Variants in ACYP2 observed in about 807,000 individuals in gnomAD.
The protein encoded by ACYP2 is acylphosphatase 2.
In ACYP2, 12 loss-of-function variants were observed where a neutral mutation model predicts 11.2. The ratio of observed to expected loss-of-function variants is 1.08; its 90% CI spans 0.69 to 1.74. ACYP2 has a LOEUF of 1.74. ACYP2 is among the 40% of genes most tolerant of loss of function. The pLI is 0.00. For missense variants in ACYP2, 134 were observed against 101.9 expected, an observed-to-expected ratio of 1.31 and a Z score of -1.35; for synonymous variants, 43 against 32.2, an observed-to-expected ratio of 1.33 and a Z score of -1.13.
intron 4 of ACYP2, among the ~76,000 whole-genome samples, chr2:54,123,017 T>G (rs993749509): frequency 1.3e-5 from 2 of 152,170 alleles, no homozygotes; most frequent in Admixed American, 1.3e-4. Flanking sequence ...GAGGCTACTC[T>G]AGGGTAGAGC....
chr2:54,024,540 C>G (rs752473813), intron 2 of ACYP2, among the ~76,000 whole-genome samples: 15 of 152,286 alleles, frequency 9.8e-5, no homozygotes, highest in Non-Finnish European at 1.9e-4. Context: ...ATCCAGCATC[C>G]CTTTATGATT....
At chr2:53,975,843 A>G (rs535650087) in intron 2 of ACYP2, among the ~76,000 whole-genome samples, 2 of 152,250 alleles carry the variant, frequency 1.3e-5, no homozygotes, top group Non-Finnish European at 2.9e-5. Context: ...AACAAACAAA[A>G]AAAACAGGAT....
chr2:54,263,452 G>A (rs1388163537), intron 6 of ACYP2, among the ~76,000 whole-genome samples: 3 of 152,170 alleles, frequency 2.0e-5, no homozygotes, highest in African/African-American at 4.8e-5. Context: ...ATATCACCGT[G>A]TCTCTACAAA....
intron 2 of ACYP2, among the ~76,000 whole-genome samples, chr2:54,047,365 T>G (rs1675579109): frequency 1.3e-5 from 2 of 152,234 alleles, no homozygotes; most frequent in African/African-American, 4.8e-5. Context: ...AATGGAGACA[T>G]TATTTTAGAA....
intron 6 of ACYP2, among the ~76,000 whole-genome samples, chr2:54,298,945 G>T (rs1294798717): frequency 1.3e-5 from 2 of 152,116 alleles, no homozygotes; most frequent in Admixed American, 1.3e-4. Context: ...CAGAGATGGG[G>T]TTTCACCGTG....
intron 6 of ACYP2, among the ~76,000 whole-genome samples, chr2:54,231,066 G>C (rs577897376): frequency 3.6e-4 from 55 of 151,950 alleles, no homozygotes; most frequent in Non-Finnish European, 7.2e-4. Flanking sequence ...CCTGACCTCA[G>C]GTGATCTGCC....
Position 54,115,620 on chromosome 2 carries a change from T to G in ACYP2, c.278-19833T>G, listed in dbSNP as rs1679709448. The G allele has an allele frequency of 4.5e-6, 7 of 1,562,558 alleles. No homozygotes were observed. In the Middle Eastern group the frequency reaches 5.8e-4, roughly 129 times the overall value. ...GGGGTGCGCCAAGCAGTCCCATGTGTCCCCTCCCTCTCGCAGCCGCCGCAG... is the reference window on the plus strand; with the variant it reads ...GGGGTGCGCCAAGCAGTCCCATGTGGCCCCTCCCTCTCGCAGCCGCCGCAG... On this transcript the variant is annotated intron_variant, in intron 4 of 6. Coordinates refer to ENST00000607452, the MANE Select transcript of ACYP2 (RefSeq NM_001320586.2).
At chr2:54,217,883 G>T (rs1460522338) in intron 6 of ACYP2, among the ~76,000 whole-genome samples, 2 of 152,128 alleles carry the variant, frequency 1.3e-5, no homozygotes, top group African/African-American at 4.8e-5. Context: ...TGTCTGCTTT[G>T]TTAAGATTAA....
At chr2:54,159,602 C>A (rs1043958517) in intron 6 of ACYP2, among the ~76,000 whole-genome samples, 7 of 151,986 alleles carry the variant, frequency 4.6e-5, no homozygotes, top group Admixed American at 2.6e-4. Flanking sequence ...CTGCTAGGTG[C>A]TAAGGGGCAT....
intron 2 of ACYP2, among the ~76,000 whole-genome samples, chr2:53,979,534 G>A (rs1044957659): frequency 6.6e-6 from 1 of 151,670 alleles, no homozygotes; most frequent in African/African-American, 2.4e-5. Context: ...GGCTGAGGCA[G>A]GAGAATCACT....
chr2:53,999,913 C>T (rs1672727495), intron 2 of ACYP2, among the ~76,000 whole-genome samples: 1 of 152,096 alleles, frequency 6.6e-6, no homozygotes, highest in Admixed American at 6.6e-5. Context: ...AAGTCAAATC[C>T]ACTTGCCCTT....
At chr2:54,045,588 G>A (rs182244555) in intron 2 of ACYP2, among the ~76,000 whole-genome samples, 28 of 152,042 alleles carry the variant, frequency 1.8e-4, no homozygotes, top group East Asian at 7.7e-4. Flanking sequence ...AGGCCGAGGC[G>A]GGCAGATCAT....
rs1300996557 is a variant in ACYP2, at chr2:54,208,762, A to G, written c.404+70014A>G. Among the ~76,000 whole-genome samples the G allele has an allele frequency of 4.6e-5, 7 of 152,208 alleles. No individual in the cohort carries two copies. In the Middle Eastern group the frequency reaches 0.017, roughly 372 times the overall value. ...GTTATAGAGAAAAGTAAGAGGAAAA[A>G]TTGTCATATGCATACAGTATTACAT... On this transcript the variant is annotated intron_variant, in intron 6 of 6. Coordinates refer to ENST00000607452, the MANE Select transcript of ACYP2 (RefSeq NM_001320586.2).
intron 6 of ACYP2, among the ~76,000 whole-genome samples, chr2:54,191,859 TAGAC>T (rs1223449056): frequency 2.0e-5 from 3 of 152,234 alleles, no homozygotes; most frequent in Non-Finnish European, 4.4e-5. Context: ...CGCTTGTTAT[TAGAC>T]AGATAATAAA....
intron 4 of ACYP2, among the ~76,000 whole-genome samples, chr2:54,127,215 A>G (rs10169755): frequency 0.18 from 26,614 of 151,396 alleles, 2,416 homozygotes; most frequent in Non-Finnish European, 0.19. Flanking sequence ...TGACATAATC[A>G]TCCCCTATTA....
At position 54,243,354 on chromosome 2, in the gene ACYP2, C is replaced by T. The variant is rs116455882; in HGVS notation, c.405-61334C>T. On this transcript the variant is annotated intron_variant, in intron 6 of 6. Coordinates refer to ENST00000607452, the MANE Select transcript of ACYP2 (RefSeq NM_001320586.2). ...CAGACCTATATGGCACGTTATTGTA[C>T]TTAATACTGTAAGCAATGGCAACAC... is the stretch of plus-strand genomic sequence containing the variant. 6.5e-3 allele frequency among the ~76,000 whole-genome samples: 992 copies of T among 152,198 alleles called. 8 individuals are homozygous for T. Among genetic ancestry groups the T allele is most frequent in the African/African-American group, 0.022 (917 of 41,524 alleles).
chr2:54,037,506 G>A (rs77805752), intron 2 of ACYP2, among the ~76,000 whole-genome samples: 4 of 151,920 alleles, frequency 2.6e-5, no homozygotes, highest in African/African-American at 9.7e-5. Context: ...AACCTCCTAG[G>A]CTCGAGCAAT....
intron 4 of ACYP2, among the ~76,000 whole-genome samples, chr2:54,073,947 G>T (rs371126161): frequency 6.6e-6 from 1 of 152,194 alleles, no homozygotes; most frequent in Non-Finnish European, 1.5e-5. Context: ...ATGAAAAATA[G>T]TGCAAATTCT....
chr2:54,063,445 C>T (rs904995796), intron 4 of ACYP2, among the ~76,000 whole-genome samples: 5 of 152,312 alleles, frequency 3.3e-5, no homozygotes, highest in South Asian at 2.1e-4. Context: ...CTCCAGGAGG[C>T]GGCCTCTGTG....
Sources: gnomAD v4.1 joint callset for allele counts (sites outside exome capture counted in the v4.1 genomes callset) on GRCh38, gnomAD v4.1.1 for gene constraint, MANE v1.5 for transcripts, NCBI Gene and HGNC (gene_info 2026-07-23, HGNC 2026-07-21) for gene names.